Variants in ROR2 observed in about 807,000 individuals in gnomAD.
The protein encoded by ROR2 is tyrosine-protein kinase transmembrane receptor ROR2.
ROR2 carries 33 observed loss-of-function variants against 74.9 expected under a neutral mutation model. The observed-to-expected ratio is 0.44, with a 90% confidence interval of 0.33 to 0.59. The LOEUF is 0.59. Ranked by LOEUF, ROR2 falls within the 20% of genes least tolerant of loss-of-function variation. The pLI is 0.02. For synonymous variants in ROR2, 586 were observed against 558.7 expected, an observed-to-expected ratio of 1.05 and a Z score of -0.69; for missense variants, 1,216 against 1,313.8, an observed-to-expected ratio of 0.93 and a Z score of 1.15.
At chr9:91,727,252 T>C (rs184453253) in intron 7 of ROR2, among the ~76,000 whole-genome samples, 1 of 152,324 alleles carries the variant, frequency 6.6e-6, no homozygotes, top group African/African-American at 2.4e-5. Flanking sequence ...TGATGACAGA[T>C]TCTTTTAGGG....
At chr9:91,873,068 T>TA (rs1829850281) in intron 1 of ROR2, among the ~76,000 whole-genome samples, 2 of 152,236 alleles carry the variant, frequency 1.3e-5, no homozygotes, top group Admixed American at 1.3e-4. Flanking sequence ...TTCCAACAGA[T>TA]ATTGGATAAG....
intron 1 of ROR2, among the ~76,000 whole-genome samples, chr9:91,895,893 C>G (rs1830526959): frequency 6.6e-6 from 1 of 152,324 alleles, no homozygotes; most frequent in African/African-American, 2.4e-5. Flanking sequence ...TGACTCTACT[C>G]TTAATTGGTA....
At chr9:91,789,566 G>A (rs1227165314) in intron 1 of ROR2, among the ~76,000 whole-genome samples, 3 of 152,064 alleles carry the variant, frequency 2.0e-5, no homozygotes, top group Non-Finnish European at 1.5e-5. Flanking sequence ...AGAGAGGGAA[G>A]GGAAGCAAGA....
At chr9:91,848,942 T>C (rs1286949002) in intron 1 of ROR2, among the ~76,000 whole-genome samples, 19 of 152,040 alleles carry the variant, frequency 1.2e-4, no homozygotes, top group Admixed American at 1.2e-3. Context: ...CCTTAAAAGG[T>C]ATTATTGTCT....
chr9:91,747,263 G>T (rs1825451955), intron 4 of ROR2, among the ~76,000 whole-genome samples: 1 of 152,162 alleles, frequency 6.6e-6, no homozygotes, highest in South Asian at 2.1e-4. Flanking sequence ...CAATTAAACA[G>T]GGATAGAAGG....
chr9:91,923,443 T>C (rs1433317886), intron 1 of ROR2, among the ~76,000 whole-genome samples: 1 of 152,218 alleles, frequency 6.6e-6, no homozygotes, highest in Non-Finnish European at 1.5e-5. Context: ...TACAGAACAA[T>C]GCACACCCTG....
chr9:91,895,623 C>T (rs904325062), intron 1 of ROR2, among the ~76,000 whole-genome samples: 6 of 152,174 alleles, frequency 3.9e-5, no homozygotes. Flanking sequence ...GCGGGCGGAT[C>T]ACTTGAGGTC....
At chr9:91,872,931 G>A (rs1193096180) in intron 1 of ROR2, among the ~76,000 whole-genome samples, 3 of 152,168 alleles carry the variant, frequency 2.0e-5, no homozygotes, top group Non-Finnish European at 2.9e-5. Context: ...GTGTCCCCTC[G>A]ACCATGGCAT....
At chr9:91,929,007 T>C (rs1831481053) in intron 1 of ROR2, among the ~76,000 whole-genome samples, 1 of 152,250 alleles carries the variant, frequency 6.6e-6, no homozygotes, top group Non-Finnish European at 1.5e-5. Context: ...ACTGCTTTTC[T>C]CTGCAGAAGG....
chr9:91,723,748 C>T lies in ROR2; in HGVS notation c.2746G>A (p.Glu916Lys), dbSNP rs1836881518. 1 of 1,613,912 alleles carries T rather than the reference C, an allele frequency of 6.2e-7. No homozygotes were observed. The highest frequency in any genetic ancestry group is 1.3e-5 in the African/African-American group (1 of 75,058). ...QSTVQEAEEE[E>K]EGSVPETELL... ...TCAGTCTCTGGGACAGAGCCTTCCT[C>T]CTCCTCCTCTGCTTCCTGCACGGTG... The change falls in exon 9 of 9, where the codon GAG becomes AAG. Residue 916 changes from glutamate (E) to lysine (K), a missense_variant. By Grantham distance (56) the Glu-to-Lys change is moderately conservative (BLOSUM62 1). Coordinates refer to ENST00000375708, the MANE Select transcript of ROR2 (RefSeq NM_004560.4).
In ROR2 at chr9:91,845,877, CAAAAAAAAAAAAAAAAAAAAAA is replaced by C. The variant is rs5899143; in HGVS notation, c.98-70081_98-70060del. On this transcript the variant is annotated intron_variant, in intron 1 of 8. Transcript: ENST00000375708. The stretch of plus-strand genomic sequence containing the variant: ...TGGGCAACAGAGCAAGAATCCATCT[CAAAAAAAAAAAAAAAAAAAAAA>C]AAAAAAAAATAGGTGTACCTTATGA... Among the ~76,000 whole-genome samples, 325 of 33,914 alleles carry C rather than the reference CAAAAAAAAAAAAAAAAAAAAAA, an allele frequency of 9.6e-3. 6 individuals carry two copies. Among genetic ancestry groups the C allele is most frequent in the African/African-American group, 0.022 (307 of 13,786 alleles). 22.2% of individuals were successfully genotyped at this position (33,914 alleles called of 152,430 possible).
intron 1 of ROR2, among the ~76,000 whole-genome samples, chr9:91,834,920 C>T (rs1327347099): frequency 6.6e-6 from 1 of 151,910 alleles, no homozygotes; most frequent in Non-Finnish European, 1.5e-5. Context: ...ACAACTTGAC[C>T]AAGCACTCTG....
chr9:91,834,241 G>A (rs561213084), intron 1 of ROR2, among the ~76,000 whole-genome samples: 9 of 152,246 alleles, frequency 5.9e-5, no homozygotes, highest in Admixed American at 3.9e-4. Flanking sequence ...CCTGAGCATC[G>A]CTGGGTGGAC....
At chr9:91,937,791 A>C (rs1422727948) in intron 1 of ROR2, among the ~76,000 whole-genome samples, 1 of 152,148 alleles carries the variant, frequency 6.6e-6, no homozygotes, top group Non-Finnish European at 1.5e-5. Context: ...AGCACTCACT[A>C]CAGCCTTGAA....
intron 1 of ROR2, among the ~76,000 whole-genome samples, chr9:91,936,629 A>C (rs1418407582): frequency 6.6e-6 from 1 of 152,220 alleles, no homozygotes; most frequent in Non-Finnish European, 1.5e-5. Flanking sequence ...TCTGTTAAAA[A>C]GTCAGTAAGT....
intron 1 of ROR2, among the ~76,000 whole-genome samples, chr9:91,826,930 T>C (rs918477295): frequency 1.3e-5 from 2 of 152,228 alleles, no homozygotes; most frequent in Non-Finnish European, 2.9e-5. Context: ...AGTCAGCTTT[T>C]ACAGAAAATT....
intron 1 of ROR2, among the ~76,000 whole-genome samples, chr9:91,925,952 A>G (rs1251638050): frequency 6.6e-6 from 1 of 152,194 alleles, no homozygotes; most frequent in African/African-American, 2.4e-5. Flanking sequence ...ACACTTAAGA[A>G]GACATCCTAG....
At chr9:91,825,117 G>C (rs142378143) in intron 1 of ROR2, among the ~76,000 whole-genome samples, 1 of 152,190 alleles carries the variant, frequency 6.6e-6, no homozygotes. Flanking sequence ...AAACACATCT[G>C]TTTCCACCGC....
chr9:91,903,635 C>T (rs1830728512), intron 1 of ROR2, among the ~76,000 whole-genome samples: 1 of 152,176 alleles, frequency 6.6e-6, no homozygotes, highest in South Asian at 2.1e-4. Flanking sequence ...GCCCCTAAGT[C>T]AGCAAATGGG....
Sources: gnomAD v4.1 joint callset for allele counts (sites outside exome capture counted in the v4.1 genomes callset) on GRCh38, gnomAD v4.1.1 for gene constraint, MANE v1.5 for transcripts, NCBI Gene and HGNC (gene_info 2026-07-23, HGNC 2026-07-21) for gene names.